Variants in MSI2 observed in about 807,000 individuals in gnomAD.
The protein encoded by MSI2 is RNA-binding protein Musashi homolog 2.
A neutral mutation model predicts 45.6 loss-of-function variants in MSI2; 17 were observed. The observed-to-expected ratio is 0.37, with a 90% CI of 0.26 to 0.56. MSI2 has a LOEUF of 0.56. Ranked by LOEUF, MSI2 falls within the 20% of genes least tolerant of loss-of-function variation. The pLI is 0.77. For missense variants in MSI2, 293 were observed against 444.2 expected (o/e 0.66, Z 3.06); for synonymous variants, 156 against 158.2 (o/e 0.99, Z 0.11).
Position 57,596,201 on chromosome 17 carries a change from C to G in MSI2, c.455-667C>G, listed in dbSNP as rs1598433310. Reference sequence around the variant, plus strand: ...GCAGCAGTCGCCTGCCAAAATTCTTCAGTGCAGCTTGTCTAGCAAAGCCGG... The same window carrying G: ...GCAGCAGTCGCCTGCCAAAATTCTTGAGTGCAGCTTGTCTAGCAAAGCCGG... On this transcript the variant is annotated intron_variant, in intron 7 of 13. Coordinates refer to ENST00000284073, the MANE Select transcript of MSI2 (RefSeq NM_138962.4). The surrounding 1 kb of genome is among the most constrained non-coding windows in gnomAD (Gnocchi z 4.6). Among the ~76,000 whole-genome samples, 1 of 152,220 alleles carries G rather than the reference C, an allele frequency of 6.6e-6. No individual in the cohort carries two copies. Among genetic ancestry groups the G allele is most frequent in the East Asian group, 1.9e-4 (1 of 5,202 alleles).
At chr17:57,260,166 C>CT (rs1490804160) in intron 4 of MSI2, 2 of 152,012 alleles carry the variant, frequency 1.3e-5, no homozygotes, top group Non-Finnish European at 2.9e-5. Flanking sequence ...TGGTAGTTTT[C>CT]TTTTTTGTTT....
chr17:57,678,067 G>A (rs994633901), intron 13 of MSI2, among the ~76,000 whole-genome samples: 11 of 152,234 alleles, frequency 7.2e-5, no homozygotes, highest in Non-Finnish European at 1.6e-4. Context: ...GAGTTGGGAT[G>A]TAGGAGAAGC....
In MSI2 at chr17:57,529,759, C is replaced by T. The variant is rs1555619317; in HGVS notation, c.454+35C>T. 1.3e-6 allele frequency: 2 copies of T among 1,581,132 alleles called. No homozygotes were observed. Among genetic ancestry groups the T allele is most frequent in the Non-Finnish European group, 1.7e-6 (2 of 1,156,198 alleles). Reference sequence around the variant, plus strand: ...CCCCAGTGTAAGAGGGTTGCGTTCACCCTCTCCTGGCCTCTCTGTCTGTCA... The same window carrying T: ...CCCCAGTGTAAGAGGGTTGCGTTCATCCTCTCCTGGCCTCTCTGTCTGTCA... On this transcript the variant is annotated intron_variant, in intron 7 of 13. Transcript: ENST00000284073. This position sits in a 1 kb window ranked among gnomAD's most constrained non-coding sequence, Gnocchi z 5.3.
chr17:57,380,346 G>A (rs2083578141), intron 5 of MSI2, among the ~76,000 whole-genome samples: 1 of 152,252 alleles, frequency 6.6e-6, no homozygotes, highest in Non-Finnish European at 1.5e-5. Context: ...GCCTGGGCAG[G>A]ACCGTGGAAG....
intron 7 of MSI2, among the ~76,000 whole-genome samples, chr17:57,569,780 TA>T (rs1188191094): frequency 4.6e-5 from 7 of 152,230 alleles, no homozygotes; most frequent in African/African-American, 1.7e-4. Context: ...GGAACCCACC[TA>T]ACCACACAAG....
At chr17:57,396,452 C>G (rs2083892580) in intron 5 of MSI2, among the ~76,000 whole-genome samples, 1 of 150,844 alleles carries the variant, frequency 6.6e-6, no homozygotes, top group Admixed American at 6.6e-5. Context: ...TTGCTTTATC[C>G]TATTTTATAA....
intron 8 of MSI2, among the ~76,000 whole-genome samples, chr17:57,602,286 C>T (rs1029337172): frequency 6.6e-6 from 1 of 151,984 alleles, no homozygotes; most frequent in Non-Finnish European, 1.5e-5. Context: ...ACAGTTCTTC[C>T]GGTGTGGCCC....
At chr17:57,392,317 C>G (rs2083808847) in intron 5 of MSI2, among the ~76,000 whole-genome samples, 1 of 152,112 alleles carries the variant, frequency 6.6e-6, no homozygotes, top group Admixed American at 6.6e-5. Flanking sequence ...TTTAAATTAG[C>G]CTAGGAGGGA....
intron 6 of MSI2, among the ~76,000 whole-genome samples, chr17:57,426,061 G>A (rs12951291): frequency 0.12 from 18,299 of 152,122 alleles, 1,175 homozygotes; most frequent in East Asian, 0.21. Context: ...AATCCATGAA[G>A]TTGTAAATGG....
At chr17:57,446,999 C>A (rs530237565) in intron 6 of MSI2, among the ~76,000 whole-genome samples, 4 of 152,154 alleles carry the variant, frequency 2.6e-5, no homozygotes, top group African/African-American at 9.7e-5. Flanking sequence ...AAAATCCATG[C>A]GCTGCAAAGA....
At chr17:57,580,072 A>AAAAAAAAAATAG (rs1464305201) in intron 7 of MSI2, among the ~76,000 whole-genome samples, 6 of 152,092 alleles carry the variant, frequency 3.9e-5, no homozygotes, top group African/African-American at 1.4e-4. Context: ...TTCCAGAAAA[A>AAAAAAAAAATAG]AAAAAAAAAT....
At chr17:57,377,011 C>G (rs2083509948) in intron 5 of MSI2, among the ~76,000 whole-genome samples, 1 of 151,978 alleles carries the variant, frequency 6.6e-6, no homozygotes, top group Non-Finnish European at 1.5e-5. Flanking sequence ...AGCTCCGCCT[C>G]CTGGGTTCAT....
At chr17:57,519,425 C>T in intron 6 of MSI2, among the ~76,000 whole-genome samples, 1 of 152,124 alleles carries the variant, frequency 6.6e-6, no homozygotes. Flanking sequence ...AGAGTCACTG[C>T]ACGGGGCGGG....
At chr17:57,646,626 G>A (rs1252848245) in intron 10 of MSI2, among the ~76,000 whole-genome samples, 1 of 152,178 alleles carries the variant, frequency 6.6e-6, no homozygotes, top group East Asian at 1.9e-4. Flanking sequence ...AGCAAAGCAG[G>A]GACAGCCAGG....
chr17:57,673,759 AC>A (rs1913001763), intron 11 of MSI2, among the ~76,000 whole-genome samples: 1 of 151,772 alleles, frequency 6.6e-6, no homozygotes, highest in African/African-American at 2.4e-5. Context: ...CCGATCTGCA[AC>A]CCCACCACTC....
At chr17:57,279,254 A>AC (rs1177569113) in intron 5 of MSI2, 3 of 152,160 alleles carry the variant, frequency 2.0e-5, no homozygotes, top group African/African-American at 7.3e-5. Flanking sequence ...AGGTGTCTAA[A>AC]CCAGGATGTG....
chr17:57,372,702 TAGA>T (rs2083438120), intron 5 of MSI2, among the ~76,000 whole-genome samples: 1 of 152,184 alleles, frequency 6.6e-6, no homozygotes, highest in African/African-American at 2.4e-5. Flanking sequence ...TTCCCCTTTC[TAGA>T]AGAAACTATA....
At chr17:57,593,301 C>T (rs1174414110) in intron 7 of MSI2, among the ~76,000 whole-genome samples, 2 of 152,152 alleles carry the variant, frequency 1.3e-5, no homozygotes, top group Non-Finnish European at 2.9e-5. Flanking sequence ...AACAAATTAC[C>T]ACAAACTTCG....
chr17:57,287,285 G>C (rs1567736719), intron 5 of MSI2, among the ~76,000 whole-genome samples: 2 of 152,132 alleles, frequency 1.3e-5, no homozygotes, highest in Admixed American at 1.3e-4. Flanking sequence ...TGAACACCCA[G>C]CCTGGCGAGG....
Sources: allele counts gnomAD v4.1 joint callset (sites outside exome capture counted in the v4.1 genomes callset), GRCh38; gene constraint gnomAD v4.1.1; non-coding constraint Gnocchi (gnomAD v3.1); transcripts MANE v1.5; gene names NCBI Gene and HGNC (gene_info 2026-07-23, HGNC 2026-07-21).